HMGCL: variants seen among roughly 807,000 people sequenced by gnomAD.
HMGCL encodes hydroxymethylglutaryl-CoA lyase, mitochondrial.
HMGCL carries 26 observed loss-of-function variants against 37.3 expected under a neutral mutation model. That is an observed-to-expected ratio of 0.70 (90% CI 0.51 to 0.97). HMGCL has a LOEUF of 0.97. Ranked by LOEUF, HMGCL falls within the 50% of genes least tolerant of loss-of-function variation. The pLI is 0.00. For synonymous variants in HMGCL, 151 were observed against 148.0 expected (o/e 1.02, Z -0.15); for missense variants, 379 against 398.1 (o/e 0.95, Z 0.41).
At chr1:23,822,246 G>A (rs572575643) in intron 1 of HMGCL, among the ~76,000 whole-genome samples, 2 of 152,100 alleles carry the variant, frequency 1.3e-5, no homozygotes, top group African/African-American at 4.8e-5. Flanking sequence ...ATGCAGGAGG[G>A]CTCTCTTCTG....
intron 5 of HMGCL, among the ~76,000 whole-genome samples, chr1:23,811,095 A>C (rs1638512244): frequency 6.6e-6 from 1 of 152,120 alleles, no homozygotes; most frequent in Non-Finnish European, 1.5e-5. Context: ...AAGGAGAGTA[A>C]GCAGCTGGGT....
At chr1:23,814,108 T>G (rs1638570988) in intron 5 of HMGCL, 82 bp downstream of exon 5, 2 of 1,491,500 alleles carry the variant, frequency 1.3e-6, no homozygotes, top group African/African-American at 2.8e-5. Context: ...AAGAAGTTTG[T>G]GGCAGGAGGA....
At chr1:23,810,541 A>T (rs760929477) in intron 6 of HMGCL, 195 bp downstream of exon 6, 16 of 608,584 alleles carry the variant, frequency 2.6e-5, no homozygotes, top group Non-Finnish European at 4.6e-5. Flanking sequence ...TTCAAGGACT[A>T]CATGTTCGGC....
At chr1:23,807,083 T>C (rs1638424688) in intron 7 of HMGCL, 1 of 519,032 alleles carries the variant, frequency 1.9e-6, no homozygotes, top group Non-Finnish European at 3.8e-6. Context: ...ATCACTGCCA[T>C]GAAACAGAGA....
intron 4 of HMGCL, 99 bp downstream of exon 4, chr1:23,816,576 T>C (rs1638616901): frequency 1.2e-6 from 1 of 817,800 alleles, no homozygotes; most frequent in Non-Finnish European, 2.2e-6. Flanking sequence ...GCTATTCAGA[T>C]GGACATCCCA....
chr1:23,804,828 C>T (rs968463844), intron 7 of HMGCL, among the ~76,000 whole-genome samples: 1 of 151,856 alleles, frequency 6.6e-6, no homozygotes, highest in Non-Finnish European at 1.5e-5. Flanking sequence ...TAACCCCCTC[C>T]CACTGCTGAG....
intron 8 of HMGCL, 146 bp from the exon 9 acceptor site, chr1:23,802,710 C>T (rs1417302868): frequency 1.5e-6 from 1 of 684,410 alleles, no homozygotes; most frequent in African/African-American, 1.8e-5. Context: ...CACCAGCTGC[C>T]TGTGAGCTCC....
intron 1 of HMGCL, among the ~76,000 whole-genome samples, chr1:23,824,208 G>C (rs1638775165): frequency 6.6e-6 from 1 of 152,100 alleles, no homozygotes; most frequent in African/African-American, 2.4e-5. Flanking sequence ...TAAACTACAG[G>C]CCAGGGACTA....
chr1:23,807,351 G>A (rs1266295869), intron 7 of HMGCL: 4 of 455,766 alleles, frequency 8.8e-6, no homozygotes, highest in East Asian at 1.2e-4. Flanking sequence ...TGAGGAAACC[G>A]ACCCAGAACA....
At chr1:23,810,884 T>G (rs1638508521) in intron 5 of HMGCL, 85 bp from the exon 6 acceptor site, 1 of 1,085,514 alleles carries the variant, frequency 9.2e-7, no homozygotes, top group Non-Finnish European at 1.4e-6. Flanking sequence ...AACACACATT[T>G]CTGATCAGTG....
intron 6 of HMGCL, among the ~76,000 whole-genome samples, chr1:23,808,988 C>T (rs922544730): frequency 6.6e-6 from 1 of 150,536 alleles, no homozygotes; most frequent in African/African-American, 2.4e-5. Flanking sequence ...TCACTGCAAG[C>T]TCTGCCTCCT....
chr1:23,803,165 G>C (rs1026551594), intron 8 of HMGCL, among the ~76,000 whole-genome samples: 2 of 152,136 alleles, frequency 1.3e-5, no homozygotes, highest in Non-Finnish European at 1.5e-5. Context: ...CTCCCGAGTA[G>C]CTGGGGTTAC....
At chr1:23,811,961 G>A (rs931671715) in intron 5 of HMGCL, among the ~76,000 whole-genome samples, 8 of 152,198 alleles carry the variant, frequency 5.3e-5, no homozygotes, top group African/African-American at 1.9e-4. Flanking sequence ...AACCACTGCT[G>A]AGCAAGAAAA....
At chr1:23,822,307 AC>A (rs895684055) in intron 1 of HMGCL, among the ~76,000 whole-genome samples, 2 of 151,962 alleles carry the variant, frequency 1.3e-5, no homozygotes, top group African/African-American at 4.8e-5. Flanking sequence ...GGGAGGTGAC[AC>A]CCCCAGTAGC....
rs1463353592 is a variant in HMGCL, at chr1:23,806,337, G to GA, written c.750+1797dup. On this transcript the variant is annotated intron_variant, in intron 7 of 8. Transcript: ENST00000374490. This position sits in a 1 kb window ranked among gnomAD's most constrained non-coding sequence, Gnocchi z 4.0. ...CTCTGTTAGCTTCCCAGCTCAGTCT[G>GA]AAAGAGTCAAAGTCCTACAAGGCCC... is the stretch of plus-strand genomic sequence containing the variant. 2.0e-5 allele frequency among the ~76,000 whole-genome samples: 3 copies of GA among 152,082 alleles called. No homozygotes were observed. Among genetic ancestry groups the GA allele is most frequent in the Non-Finnish European group, 4.4e-5 (3 of 68,000 alleles).
intron 2 of HMGCL, 67 bp downstream of exon 2, chr1:23,820,443 C>G: frequency 9.3e-7 from 1 of 1,076,614 alleles, no homozygotes; most frequent in East Asian, 2.4e-5. Context: ...GCCATTGCAC[C>G]TATCACACGT....
intron 6 of HMGCL, chr1:23,810,385 T>C (rs929022945): frequency 1.4e-5 from 5 of 351,304 alleles, no homozygotes; most frequent in Non-Finnish European, 2.8e-5. Context: ...CTGGTGACTG[T>C]TCAGAGGACA....
chr1:23,807,361 A>T, intron 7 of HMGCL: 1 of 430,378 alleles, frequency 2.3e-6, no homozygotes, highest in Non-Finnish European at 4.6e-6. Flanking sequence ...GACCCAGAAC[A>T]TAACAGACTC....
chr1:23,822,508 C>T (rs774522492), intron 1 of HMGCL, among the ~76,000 whole-genome samples: 4 of 152,156 alleles, frequency 2.6e-5, no homozygotes, highest in East Asian at 1.9e-4. Flanking sequence ...CGAGGCAAAG[C>T]GGAAGGCACA....
Sources: allele counts gnomAD v4.1 joint callset (sites outside exome capture counted in the v4.1 genomes callset), GRCh38; gene constraint gnomAD v4.1.1; non-coding constraint Gnocchi (gnomAD v3.1); transcripts MANE v1.5; gene names NCBI Gene and HGNC (gene_info 2026-07-23, HGNC 2026-07-21).